PLEKHA8: variants seen among roughly 807,000 people sequenced by gnomAD.
PLEKHA8 encodes pleckstrin homology domain containing A8.
In PLEKHA8, 36 loss-of-function variants were observed where a neutral mutation model predicts 68.2. The observed-to-expected ratio is 0.53, with a 90% CI of 0.40 to 0.70. PLEKHA8 has a LOEUF of 0.70. Among genes scored for constraint, PLEKHA8 ranks in the 30% least tolerant of loss-of-function variants. The pLI is 0.00. For synonymous variants in PLEKHA8, 211 were observed against 216.1 expected (o/e 0.98, Z 0.20); for missense variants, 505 against 615.4 (o/e 0.82, Z 1.90).
Position 30,029,254 on chromosome 7 carries a change from C to T in PLEKHA8, c.40+452C>T, listed in dbSNP as rs151118557. Among the ~76,000 whole-genome samples the T allele has an allele frequency of 2.1e-4, 32 of 152,352 alleles. 1 individual carries two copies. The highest frequency in any genetic ancestry group is 3.4e-4 in the Non-Finnish European group (23 of 68,036). On this transcript the variant is annotated intron_variant, in intron 1 of 13. Transcript: ENST00000449726. ...AGCGGAAAGATCCTTTATCAAAGTC[C>T]TCAGTGCAAACACTTTCCCTTTGTC...
At chr7:30,087,924 G>T (rs1050604924), downstream of PLEKHA8, among the ~76,000 whole-genome samples, 7 of 152,272 alleles carry the variant, frequency 4.6e-5, no homozygotes, top group African/African-American at 1.7e-4. Flanking sequence ...TTGGTGTTAG[G>T]TTCTGGTTAT....
chr7:30,118,025 G>T, intron 13 of PLEKHA8: 1 of 1,521,460 alleles, frequency 6.6e-7, no homozygotes. Context: ...AATCAGGCGG[G>T]TGCAGAGTGG....
chr7:30,111,931 C>T (rs1442279341), intron 13 of PLEKHA8, among the ~76,000 whole-genome samples: 1 of 152,052 alleles, frequency 6.6e-6, no homozygotes, highest in African/African-American at 2.4e-5. Flanking sequence ...ATATGCTGTT[C>T]ACAATAGGCA....
At chr7:30,109,045 G>T (rs976285350) in intron 13 of PLEKHA8, among the ~76,000 whole-genome samples, 1 of 152,100 alleles carries the variant, frequency 6.6e-6, no homozygotes, top group Non-Finnish European at 1.5e-5. Flanking sequence ...ATGATCCTCC[G>T]TTCAACAATG....
At chr7:30,122,550 G>A (rs924434132) in intron 13 of PLEKHA8, among the ~76,000 whole-genome samples, 2 of 152,174 alleles carry the variant, frequency 1.3e-5, no homozygotes, top group African/African-American at 2.4e-5. Flanking sequence ...ACCTTTTGCA[G>A]TGTCTTCCCA....
chr7:30,080,233 A>G lies in PLEKHA8; in HGVS notation c.*1446A>G. On this transcript the variant is annotated 3_prime_UTR_variant, in exon 14 of 14. Coordinates refer to ENST00000449726, the MANE Select transcript of PLEKHA8 (RefSeq NM_001197026.2). ...AACATTGTTTCATAAAACAATATTG[A>G]GTGGGCATTCTTCTGCACAGTGTGA... The G allele has an allele frequency of 1.0e-6, 1 of 985,418 alleles. No individual in the cohort carries two copies. Among genetic ancestry groups the G allele is most frequent in the South Asian group, 4.7e-5 (1 of 21,286 alleles). The allele number at this position is 985,418 out of a possible 1,614,324, so 61.0% of individuals were successfully genotyped here.
At position 30,083,223 on chromosome 7, in the gene PLEKHA8, C is replaced by G. The variant is rs923722756; in HGVS notation, c.*4436C>G. 3 of 982,866 alleles carry G rather than the reference C, an allele frequency of 3.1e-6. No homozygotes were observed. In the African/African-American group the frequency reaches 5.2e-5, roughly 17 times the overall value. 60.9% of individuals were successfully genotyped at this position (982,866 alleles called of 1,614,324 possible). A position where few individuals can be genotyped will look rare whatever the true frequency, so the allele number is the denominator to read the frequency against. ...TCATTATGTATGGTAAATTTGTATT[C>G]TTATGGATTGTATATAGAATGCTTT... On this transcript the variant is annotated 3_prime_UTR_variant, in exon 14 of 14. Coordinates refer to ENST00000449726, the MANE Select transcript of PLEKHA8 (RefSeq NM_001197026.2).
chr7:30,078,530 T>TA, intron 13 of PLEKHA8, 60 bp from the exon 14 acceptor site: 2 of 1,552,856 alleles, frequency 1.3e-6, no homozygotes, highest in Non-Finnish European at 1.8e-6. Flanking sequence ...TGCACATGCA[T>TA]AAAAATAAGA....
chr7:30,091,068 G>T (rs1795396631), downstream of PLEKHA8, among the ~76,000 whole-genome samples: 1 of 152,166 alleles, frequency 6.6e-6, no homozygotes, highest in Admixed American at 6.5e-5. Context: ...GGAGAGTGAG[G>T]TGGGAAGATC....
At position 30,059,666 on chromosome 7, in the gene PLEKHA8, A is replaced by ATT. The variant is rs547127345; in HGVS notation, c.1040-1203_1040-1202dup. On this transcript the variant is annotated intron_variant, in intron 9 of 13. Coordinates refer to ENST00000449726, the MANE Select transcript of PLEKHA8 (RefSeq NM_001197026.2). ...TGCCTTTCTTTTAGATCAATCAAGT[A>ATT]TTTTTTTTTTTTTTTTAAGAATTCC... Among the ~76,000 whole-genome samples the ATT allele has an allele frequency of 5.4e-4, 57 of 105,542 alleles. No homozygotes were observed. In the Middle Eastern group the frequency reaches 0.022, roughly 42 times the overall value. The allele number at this position is 105,542 out of a possible 152,430, so 69.2% of individuals were successfully genotyped here.
intron 12 of PLEKHA8, among the ~76,000 whole-genome samples, chr7:30,069,105 G>T (rs1183974695): frequency 6.6e-6 from 1 of 152,068 alleles, no homozygotes; most frequent in Admixed American, 6.6e-5. Flanking sequence ...TAGGATGAAG[G>T]TTCTTACTAT....
At chr7:30,093,586 C>T (rs7806238), downstream of PLEKHA8, among the ~76,000 whole-genome samples, 1 of 152,114 alleles carries the variant, frequency 6.6e-6, no homozygotes, top group Admixed American at 6.5e-5. Context: ...CTCTGGATTC[C>T]CTTTCTCCTC....
intron 1 of PLEKHA8, among the ~76,000 whole-genome samples, chr7:30,037,952 C>T (rs1262954520): frequency 6.6e-6 from 1 of 152,110 alleles, no homozygotes; most frequent in Non-Finnish European, 1.5e-5. Context: ...CCCCAACCCC[C>T]TCTTAAGGAT....
chr7:30,056,355 TAACACATATATATATAA>T (rs1792919121), intron 9 of PLEKHA8, among the ~76,000 whole-genome samples: 1 of 128,570 alleles, frequency 7.8e-6, no homozygotes, highest in South Asian at 2.4e-4. Context: ...ATAATATATA[TAACACATATATATATAA>T]ATAACATATA....
intron 13 of PLEKHA8, among the ~76,000 whole-genome samples, chr7:30,119,726 A>G (rs1439493568): frequency 6.6e-6 from 1 of 152,238 alleles, no homozygotes; most frequent in Admixed American, 6.5e-5. Flanking sequence ...ACCTGTTTTA[A>G]CTGTAATTGA....
intron 3 of PLEKHA8, among the ~76,000 whole-genome samples, chr7:30,046,996 C>A (rs1014190091): frequency 6.6e-6 from 1 of 152,202 alleles, no homozygotes; most frequent in African/African-American, 2.4e-5. Context: ...GTCCTAGTTG[C>A]TACCTTCCCT....
chr7:30,065,023 C>T (rs1446310099), intron 12 of PLEKHA8, among the ~76,000 whole-genome samples: 1 of 152,188 alleles, frequency 6.6e-6, no homozygotes, highest in African/African-American at 2.4e-5. Context: ...TATCCAGTCC[C>T]AACCCCAATT....
chr7:30,078,485 C>A, intron 13 of PLEKHA8, 105 bp from the exon 14 acceptor site: 1 of 1,201,686 alleles, frequency 8.3e-7, no homozygotes, highest in Non-Finnish European at 1.2e-6. Context: ...CTCTTCTCAG[C>A]TGTTTGTATG....
intron 3 of PLEKHA8, 149 bp downstream of exon 3, chr7:30,046,514 G>T (rs917665256): frequency 2.1e-6 from 2 of 930,890 alleles, no homozygotes; most frequent in African/African-American, 1.7e-5. Context: ...TTAAACCAGG[G>T]TCCATATCTA....
Sources: gnomAD v4.1 joint callset for allele counts (sites outside exome capture counted in the v4.1 genomes callset) on GRCh38, gnomAD v4.1.1 for gene constraint, MANE v1.5 for transcripts, NCBI Gene and HGNC (gene_info 2026-07-23, HGNC 2026-07-21) for gene names.